Variants in GPR39 observed in about 807,000 individuals in gnomAD.
The protein encoded by GPR39 is zinc sensing receptor.
Under a neutral mutation model 18.4 loss-of-function variants are expected in GPR39, and 23 were observed. The ratio of observed to expected loss-of-function variants is 1.25; its 90% CI spans 0.90 to 1.77. The LOEUF (loss-of-function observed/expected upper bound fraction) is 1.77, where lower values mean the gene tolerates loss of function less well. Ranked by LOEUF, GPR39 falls within the 40% of genes most tolerant of loss-of-function variation. GPR39 has a pLI of 0.00. For missense variants in GPR39, 647 were observed against 602.4 expected, an observed-to-expected ratio of 1.07 and a Z score of -0.78; for synonymous variants, 280 against 257.9, an observed-to-expected ratio of 1.09 and a Z score of -0.82.
At chr2:132,573,923 C>T (rs1336860295) in intron 1 of GPR39, among the ~76,000 whole-genome samples, 2 of 152,224 alleles carry the variant, frequency 1.3e-5, no homozygotes, top group African/African-American at 2.4e-5. Context: ...TAGATTTTAA[C>T]TCTTCCTTGA....
In GPR39 at chr2:132,646,018, C is replaced by T; in HGVS notation, c.*412C>T. Reference sequence around the variant, plus strand: ...GGGGGCGAGGGCTGGAAGAACAATGCAGGAGGGGGTGGCATCTCCTTCAGC... The same window carrying T: ...GGGGGCGAGGGCTGGAAGAACAATGTAGGAGGGGGTGGCATCTCCTTCAGC... On this transcript the variant is annotated 3_prime_UTR_variant, in exon 2 of 2. Coordinates refer to ENST00000329321, the MANE Select transcript of GPR39 (RefSeq NM_001508.3). 6.7e-7 allele frequency: 1 copy of T among 1,490,928 alleles called. No individual in the cohort carries two copies. The highest frequency in any genetic ancestry group is 9.0e-7 in the Non-Finnish European group (1 of 1,107,194). The allele number at this position is 1,490,928 out of a possible 1,614,324, so 92.4% of individuals were successfully genotyped here.
chr2:132,428,416 C>T (rs940882510), intron 1 of GPR39, among the ~76,000 whole-genome samples: 10 of 152,188 alleles, frequency 6.6e-5, no homozygotes, highest in Admixed American at 3.9e-4. Flanking sequence ...AAATGTACCA[C>T]TTGATGCAGG....
chr2:132,540,474 T>C (rs1679842808), intron 1 of GPR39, among the ~76,000 whole-genome samples: 1 of 152,262 alleles, frequency 6.6e-6, no homozygotes, highest in Non-Finnish European at 1.5e-5. Context: ...CCTGACACTG[T>C]CATTAACTGA....
intron 1 of GPR39, among the ~76,000 whole-genome samples, chr2:132,582,075 G>GT (rs1680633020): frequency 6.6e-6 from 1 of 152,228 alleles, no homozygotes; most frequent in African/African-American, 2.4e-5. Flanking sequence ...TAAGTGACAG[G>GT]TGTGCTGGGG....
At chr2:132,501,054 G>GTTTTTTTTTTTTTTTTTTTTTTTGTTTTT (rs55720929) in intron 1 of GPR39, among the ~76,000 whole-genome samples, 1 of 90,324 alleles carries the variant, frequency 1.1e-5, no homozygotes, top group African/African-American at 4.1e-5. Context: ...TATCTTTTGT[G>GTTTTTTTTTTTTTTTTTTTTTTTGTTTTT]TTTTTTTTTT....
At chr2:132,464,911 G>A (rs1406337845) in intron 1 of GPR39, among the ~76,000 whole-genome samples, 1 of 152,150 alleles carries the variant, frequency 6.6e-6, no homozygotes, top group African/African-American at 2.4e-5. Flanking sequence ...GGGGCATGGG[G>A]CAATACCAGA....
intron 1 of GPR39, among the ~76,000 whole-genome samples, chr2:132,418,277 A>C (rs1184437627): frequency 2.6e-5 from 4 of 152,154 alleles, no homozygotes; most frequent in Non-Finnish European, 4.4e-5. Flanking sequence ...TCCTTTGCAA[A>C]AGACCAAGTT....
chr2:132,515,768 C>T (rs1679321718), intron 1 of GPR39, among the ~76,000 whole-genome samples: 1 of 152,068 alleles, frequency 6.6e-6, no homozygotes, highest in Admixed American at 6.5e-5. Context: ...TGCTATATAC[C>T]TAGAGGGAAG....
chr2:132,466,306 G>A (rs578009840), intron 1 of GPR39, among the ~76,000 whole-genome samples: 8 of 152,204 alleles, frequency 5.3e-5, no homozygotes, highest in South Asian at 2.1e-4. Flanking sequence ...TAGCAGAGTC[G>A]CTATCACAAC....
At chr2:132,621,115 G>A (rs565067342) in intron 1 of GPR39, among the ~76,000 whole-genome samples, 85 of 152,172 alleles carry the variant, frequency 5.6e-4, no homozygotes, top group African/African-American at 7.7e-4. Flanking sequence ...GTGTGTCTCC[G>A]GTGCTTGAGT....
chr2:132,522,007 C>T (rs1235172091), intron 1 of GPR39, among the ~76,000 whole-genome samples: 1 of 152,134 alleles, frequency 6.6e-6, no homozygotes, highest in East Asian at 1.9e-4. Context: ...CCTCCCCTTC[C>T]CTTTGTGCTA....
At chr2:132,462,813 C>T (rs1353831265) in intron 1 of GPR39, among the ~76,000 whole-genome samples, 1 of 152,202 alleles carries the variant, frequency 6.6e-6, no homozygotes, top group East Asian at 1.9e-4. Flanking sequence ...AAGTCCTTAC[C>T]TCACACAGTT....
intron 1 of GPR39, among the ~76,000 whole-genome samples, chr2:132,621,371 C>T (rs1681438118): frequency 6.6e-6 from 1 of 152,234 alleles, no homozygotes; most frequent in Non-Finnish European, 1.5e-5. Flanking sequence ...GCGCTTACCT[C>T]TCCCTGAGCC....
intron 1 of GPR39, among the ~76,000 whole-genome samples, chr2:132,469,194 C>T (rs887771763): frequency 6.6e-6 from 1 of 152,182 alleles, no homozygotes; most frequent in African/African-American, 2.4e-5. Flanking sequence ...CCAGTTCCAT[C>T]CCCCTGTAGG....
At chr2:132,540,337 G>T (rs565555523) in intron 1 of GPR39, among the ~76,000 whole-genome samples, 1 of 152,302 alleles carries the variant, frequency 6.6e-6, no homozygotes, top group Non-Finnish European at 1.5e-5. Context: ...ATCAGGGGAG[G>T]GGAGGAGAGG....
chr2:132,599,067 C>A (rs1680997211), intron 1 of GPR39, among the ~76,000 whole-genome samples: 1 of 151,982 alleles, frequency 6.6e-6, no homozygotes, highest in Non-Finnish European at 1.5e-5. Flanking sequence ...GTTTTCATGC[C>A]TGTGTGAAAT....
At chr2:132,536,053 T>C (rs749382206) in intron 1 of GPR39, among the ~76,000 whole-genome samples, 3 of 151,104 alleles carry the variant, frequency 2.0e-5, no homozygotes, top group Non-Finnish European at 4.4e-5. Flanking sequence ...GTTTGAAAGG[T>C]TTTTTGTCTC....
At chr2:132,613,443 A>G (rs1372928237) in intron 1 of GPR39, among the ~76,000 whole-genome samples, 1 of 152,346 alleles carries the variant, frequency 6.6e-6, no homozygotes, top group African/African-American at 2.4e-5. Flanking sequence ...CTCCTTCAGG[A>G]TGATTTCCTT....
intron 1 of GPR39, among the ~76,000 whole-genome samples, chr2:132,636,437 G>C (rs1279319227): frequency 6.6e-6 from 1 of 152,190 alleles, no homozygotes; most frequent in East Asian, 1.9e-4. Context: ...GGGAAGCAGG[G>C]TCTGTAGGCA....
Sources: gnomAD v4.1 joint callset for allele counts (sites outside exome capture counted in the v4.1 genomes callset) on GRCh38, gnomAD v4.1.1 for gene constraint, MANE v1.5 for transcripts, NCBI Gene and HGNC (gene_info 2026-07-23, HGNC 2026-07-21) for gene names.